ARHGAP28: variants seen among roughly 807,000 people sequenced by gnomAD.
ARHGAP28 encodes the protein rho GTPase-activating protein 28.
A neutral mutation model predicts 90.7 loss-of-function variants in ARHGAP28; 56 were observed. The observed-to-expected ratio is 0.62, with a 90% CI of 0.50 to 0.77. The LOEUF (loss-of-function observed/expected upper bound fraction) is 0.77, where lower values mean the gene tolerates loss of function less well. ARHGAP28 is among the 30% of genes least tolerant of loss of function. The pLI, the probability that ARHGAP28 is intolerant of heterozygous loss-of-function variation, is 0.00. For missense variants in ARHGAP28, 869 were observed against 900.9 expected (o/e 0.96, Z 0.45); for synonymous variants, 308 against 323.3 (o/e 0.95, Z 0.51).
Position 6,856,918 on chromosome 18 carries a change from T to C in ARHGAP28, c.637-2890T>C, listed in dbSNP as rs186149387. Among the ~76,000 whole-genome samples, 12 of 152,372 alleles carry C rather than the reference T, an allele frequency of 7.9e-5. No individual in the cohort carries two copies. The East Asian group carries it at 1.9e-3, about 24-fold the overall frequency. ...ATAATAATTTTGAGATTCATCCATT[T>C]GTTGTATGTTTTAAAAATTTAGTCC... On this transcript the variant is annotated intron_variant, in intron 4 of 17. Transcript: ENST00000383472.
At chr18:6,873,895 C>G in intron 9 of ARHGAP28, 120 bp downstream of exon 9, 1 of 851,566 alleles carries the variant, frequency 1.2e-6, no homozygotes, top group Non-Finnish European at 1.9e-6. Context: ...TATTAGGACT[C>G]AGGCCCCTGG....
chr18:6,841,187 CTCT>C (rs1281919480), intron 3 of ARHGAP28, among the ~76,000 whole-genome samples: 1 of 57,908 alleles, frequency 1.7e-5, no homozygotes, highest in East Asian at 4.8e-4. Context: ...TCTCCTCTCT[CTCT>C]CTCTCTCTCT....
intron 3 of ARHGAP28, among the ~76,000 whole-genome samples, chr18:6,839,594 G>A (rs894453181): frequency 6.6e-5 from 10 of 152,174 alleles, no homozygotes; most frequent in Non-Finnish European, 1.2e-4. Context: ...ACTGCGCCCG[G>A]CCATAATTTT....
At chr18:6,812,815 C>T (rs1468179538) in intron 1 of ARHGAP28, among the ~76,000 whole-genome samples, 2 of 152,152 alleles carry the variant, frequency 1.3e-5, no homozygotes, top group Non-Finnish European at 2.9e-5. Flanking sequence ...TCATGTTGAC[C>T]ATTGGCATTC....
chr18:6,894,013 C>T (rs1350001773), intron 14 of ARHGAP28, among the ~76,000 whole-genome samples: 12 of 151,658 alleles, frequency 7.9e-5, no homozygotes, highest in African/African-American at 2.2e-4. Context: ...ACTACAGATA[C>T]GTGCCACCAC....
chr18:6,731,313 T>TG (rs397967850), intron 1 of ARHGAP28, among the ~76,000 whole-genome samples: 13 of 151,436 alleles, frequency 8.6e-5, no homozygotes, highest in African/African-American at 3.2e-4. Context: ...TGTGTGTGTG[T>TG]TTTGATGAAA....
At chr18:6,791,263 C>G (rs2056404473) in intron 1 of ARHGAP28, 1 of 152,156 alleles carries the variant, frequency 6.6e-6, no homozygotes, top group South Asian at 2.1e-4. Context: ...AGGCCAGTCT[C>G]TCCTTTCCAT....
intron 14 of ARHGAP28, among the ~76,000 whole-genome samples, chr18:6,891,278 T>A: frequency 6.6e-6 from 1 of 151,808 alleles, no homozygotes. Flanking sequence ...CGTGGGAGAC[T>A]GTGGATGGCT....
At chr18:6,898,036 A>G (rs1433654545) in intron 16 of ARHGAP28, 1 of 153,494 alleles carries the variant, frequency 6.5e-6, no homozygotes, top group Non-Finnish European at 1.4e-5. Flanking sequence ...CAGAATACAA[A>G]GAATCTCTCT....
chr18:6,822,110 G>A (rs1235826845), intron 1 of ARHGAP28, among the ~76,000 whole-genome samples: 1 of 151,706 alleles, frequency 6.6e-6, no homozygotes, highest in Admixed American at 6.6e-5. Context: ...AACAATATTG[G>A]TATGGTACAG....
At chr18:6,774,391 G>T (rs2056267382) in intron 1 of ARHGAP28, among the ~76,000 whole-genome samples, 1 of 152,072 alleles carries the variant, frequency 6.6e-6, no homozygotes, top group African/African-American at 2.4e-5. Flanking sequence ...TTAGTTTATA[G>T]ATGCATCATA....
intron 3 of ARHGAP28, among the ~76,000 whole-genome samples, chr18:6,840,412 A>G (rs2056797212): frequency 6.6e-6 from 1 of 152,196 alleles, no homozygotes; most frequent in Non-Finnish European, 1.5e-5. Flanking sequence ...AGATTTCCTA[A>G]GACTTTGGAC....
At chr18:6,836,031 C>T (rs764077795) in intron 2 of ARHGAP28, 3 of 152,154 alleles carry the variant, frequency 2.0e-5, no homozygotes, top group Non-Finnish European at 4.4e-5. Flanking sequence ...TCACAGGATA[C>T]CTCTTTATCC....
In ARHGAP28 at chr18:6,876,189, G is replaced by A. The variant is rs1369346560; in HGVS notation, c.1271G>A (p.Gly424Glu). The A allele has an allele frequency of 1.2e-6, 2 of 1,613,938 alleles. No homozygotes were observed. Among genetic ancestry groups the A allele is most frequent in the Non-Finnish European group, 1.7e-6 (2 of 1,179,902 alleles). Residue 424 changes from glycine (G) to glutamate (E), a missense_variant, in exon 10 of 18, where the codon GGA (glycine) becomes GAA (glutamate). Gly to Glu is a moderately conservative substitution (Grantham distance 98). Transcript: ENST00000383472. ...LESEGIFRLSGCTAKVKQYRE... is the reference protein window; with the variant it reads ...LESEGIFRLSECTAKVKQYRE... The stretch of plus-strand genomic sequence containing the variant: ...TCTGAAGGAATTTTTCGACTTTCAG[G>A]ATGTACTGCTAAAGTCAAGGTACCG...
chr18:6,896,319 A>C (rs1355132349), intron 15 of ARHGAP28, among the ~76,000 whole-genome samples, 183 bp from the exon 16 acceptor site: 1 of 152,240 alleles, frequency 6.6e-6, no homozygotes, highest in Admixed American at 6.5e-5. Context: ...ACCCAGGTTA[A>C]GTTTAGTCAT....
chr18:6,796,271 A>G (rs1433704479), intron 1 of ARHGAP28, among the ~76,000 whole-genome samples: 1 of 152,162 alleles, frequency 6.6e-6, no homozygotes, highest in African/African-American at 2.4e-5. Flanking sequence ...ATACACATCT[A>G]TACATGCATA....
At chr18:6,910,824 TG>T (rs2057392421) in intron 17 of ARHGAP28, among the ~76,000 whole-genome samples, 3 of 57,824 alleles carry the variant, frequency 5.2e-5, no homozygotes, top group Non-Finnish European at 9.9e-5. Context: ...TTGGTAGTTT[TG>T]TTTTTTTGTT....
At chr18:6,841,028 C>A (rs1312015721) in intron 3 of ARHGAP28, among the ~76,000 whole-genome samples, 1 of 151,788 alleles carries the variant, frequency 6.6e-6, no homozygotes, top group Non-Finnish European at 1.5e-5. Flanking sequence ...GAGAATGTAC[C>A]TGAACTTTTT....
At chr18:6,863,161 T>A (rs2057011405) in intron 5 of ARHGAP28, among the ~76,000 whole-genome samples, 1 of 152,124 alleles carries the variant, frequency 6.6e-6, no homozygotes, top group Non-Finnish European at 1.5e-5. Context: ...CTTATAACAT[T>A]GATTAATAAT....
Sources: gnomAD v4.1 joint callset for allele counts (sites outside exome capture counted in the v4.1 genomes callset) on GRCh38, gnomAD v4.1.1 for gene constraint, MANE v1.5 for transcripts, NCBI Gene and HGNC (gene_info 2026-07-23, HGNC 2026-07-21) for gene names.